CCDC169: variants seen among roughly 807,000 people sequenced by gnomAD.
CCDC169 encodes the protein coiled-coil domain containing 169, also known as coiled-coil domain-containing protein 169.
CCDC169 carries 30 observed loss-of-function variants against 36.0 expected under a neutral mutation model. That is an observed-to-expected ratio of 0.83 (90% confidence interval 0.62 to 1.13). The LOEUF (loss-of-function observed/expected upper bound fraction) is 1.13. Ranked by LOEUF, CCDC169 falls within the 50% of genes most tolerant of loss-of-function variation. The pLI is 0.00. For missense variants in CCDC169, 245 were observed against 245.9 expected (o/e 1.00, Z 0.03); for synonymous variants, 85 against 81.5 (o/e 1.04, Z -0.23).
chr13:36,278,195 C>G (rs1303179104), intron 4 of CCDC169, among the ~76,000 whole-genome samples: 3 of 152,154 alleles, frequency 2.0e-5, no homozygotes, highest in Admixed American at 6.5e-5. Context: ...ACAGAGCTTA[C>G]TATGTCAGGC....
At chr13:36,242,879 A>C (rs563473470) in intron 7 of CCDC169, among the ~76,000 whole-genome samples, 1 of 152,308 alleles carries the variant, frequency 6.6e-6, no homozygotes, top group South Asian at 2.1e-4. Context: ...CCTGATTCAT[A>C]GCTGCTGCTA....
At chr13:36,283,571 T>A in intron 3 of CCDC169, 21 bp downstream of exon 3, 1 of 1,551,152 alleles carries the variant, frequency 6.4e-7, no homozygotes, top group Non-Finnish European at 8.7e-7. Context: ...TTATAAAATG[T>A]ACATATGATT....
chr13:36,274,410 T>C (rs1876501560), intron 4 of CCDC169: 1 of 152,174 alleles, frequency 6.6e-6, no homozygotes, highest in Non-Finnish European at 1.5e-5. Context: ...GAACAGACTC[T>C]CTCATTCCAT....
chr13:36,250,277 C>A (rs1477999693), intron 6 of CCDC169, among the ~76,000 whole-genome samples: 1 of 152,112 alleles, frequency 6.6e-6, no homozygotes, highest in African/African-American at 2.4e-5. Context: ...AGCATTTGGT[C>A]TAACGGCAGT....
At chr13:36,266,142 G>T (rs542998039) in intron 4 of CCDC169, among the ~76,000 whole-genome samples, 72 of 152,156 alleles carry the variant, frequency 4.7e-4, no homozygotes, top group Non-Finnish European at 9.4e-4. Context: ...AATGAGTAAA[G>T]AATTATGCTT....
At chr13:36,258,889 G>A (rs769095839) in intron 4 of CCDC169, among the ~76,000 whole-genome samples, 9 of 152,080 alleles carry the variant, frequency 5.9e-5, no homozygotes, top group Non-Finnish European at 1.2e-4. Context: ...GTCTGGATCG[G>A]GACCCCTTTC....
chr13:36,285,124 G>A (rs1878011766), intron 2 of CCDC169, among the ~76,000 whole-genome samples: 1 of 152,198 alleles, frequency 6.6e-6, no homozygotes, highest in South Asian at 2.1e-4. Context: ...AGAGCAAGAT[G>A]AGAATGGTTA....
chr13:36,249,213 G>A (rs1325952351), intron 6 of CCDC169, among the ~76,000 whole-genome samples: 2 of 152,178 alleles, frequency 1.3e-5, no homozygotes, highest in African/African-American at 4.8e-5. Context: ...AAGAGTGAAT[G>A]AGATCATTCA....
At chr13:36,286,830 G>A (rs1474085267) in intron 2 of CCDC169, among the ~76,000 whole-genome samples, 1 of 152,120 alleles carries the variant, frequency 6.6e-6, no homozygotes, top group Non-Finnish European at 1.5e-5. Context: ...AAACAAGAGA[G>A]GTAGGGGTAC....
intron 4 of CCDC169, among the ~76,000 whole-genome samples, chr13:36,275,931 T>C (rs529591438): frequency 6.6e-6 from 1 of 152,110 alleles, no homozygotes; most frequent in South Asian, 2.1e-4. Context: ...CAGAGAATAA[T>C]AGAGGGGAGA....
At chr13:36,263,225 A>T (rs1874822085) in intron 4 of CCDC169, among the ~76,000 whole-genome samples, 1 of 152,176 alleles carries the variant, frequency 6.6e-6, no homozygotes, top group East Asian at 1.9e-4. Flanking sequence ...CAGAGCAATA[A>T]CATACTCATT....
intron 7 of CCDC169, among the ~76,000 whole-genome samples, chr13:36,240,934 G>A (rs1464351010): frequency 6.6e-6 from 1 of 151,944 alleles, no homozygotes; most frequent in Non-Finnish European, 1.5e-5. Context: ...ATTGATATAT[G>A]TAAAGATCTC....
chr13:36,228,288 G>A (rs897771093), downstream of CCDC169, among the ~76,000 whole-genome samples: 2 of 152,122 alleles, frequency 1.3e-5, no homozygotes, highest in Admixed American at 6.5e-5. Flanking sequence ...AGCAACATAT[G>A]AGGGTTCCAG....
rs1317195126 is a variant in CCDC169 at position 36,240,613 on chromosome 13, T to C, written c.545+7993A>G. 6 of 1,283,452 alleles carry C rather than the reference T, an allele frequency of 4.7e-6. No homozygotes were observed. In the East Asian group the frequency reaches 2.8e-4, roughly 60 times the overall value. 79.5% of individuals were successfully genotyped at this position (1,283,452 alleles called of 1,614,324 possible). ...TCCCTCAGGTTCTTTTGCTCCAGGG[T>C]ACCAATGGCTCCTTAGTTATTTTCT... On this transcript the variant is annotated intron_variant, in intron 7 of 7. Coordinates refer to ENST00000239859, the MANE Select transcript of CCDC169 (RefSeq NM_001144981.3).
At chr13:36,264,622 T>C (rs928114984) in intron 4 of CCDC169, among the ~76,000 whole-genome samples, 3 of 152,172 alleles carry the variant, frequency 2.0e-5, no homozygotes, top group Non-Finnish European at 4.4e-5. Flanking sequence ...AGGTGTGAAT[T>C]TGCAATTCTA....
chr13:36,279,136 G>A (rs568992798), intron 4 of CCDC169, among the ~76,000 whole-genome samples: 1 of 151,260 alleles, frequency 6.6e-6, no homozygotes, highest in East Asian at 2.0e-4. Context: ...CCTAGACTAC[G>A]ACAAAAGCAT....
At chr13:36,292,637 A>G (rs1378329518) in intron 2 of CCDC169, among the ~76,000 whole-genome samples, 1 of 152,230 alleles carries the variant, frequency 6.6e-6, no homozygotes, top group Non-Finnish European at 1.5e-5. Context: ...CAATAAGCAG[A>G]TGAGAAAGTA....
chr13:36,282,350 T>C, intron 4 of CCDC169: 3 of 980,840 alleles, frequency 3.1e-6, no homozygotes, highest in Non-Finnish European at 3.6e-6. Flanking sequence ...GAATAAGACT[T>C]AGTTTTGTCC....
intron 6 of CCDC169, among the ~76,000 whole-genome samples, chr13:36,252,254 G>A (rs915434207): frequency 6.6e-6 from 1 of 152,176 alleles, no homozygotes; most frequent in Non-Finnish European, 1.5e-5. Context: ...CAGTATCAAG[G>A]AACATGAAGT....
Sources: gnomAD v4.1 joint callset for allele counts (sites outside exome capture counted in the v4.1 genomes callset) on GRCh38, gnomAD v4.1.1 for gene constraint, MANE v1.5 for transcripts, NCBI Gene and HGNC (gene_info 2026-07-23, HGNC 2026-07-21) for gene names.